The following FBLN7 variants were observed in gnomAD, a reference collection of about 807,000 sequenced individuals.
FBLN7 encodes the protein fibulin 7.
In FBLN7, 31 loss-of-function variants were observed where a neutral mutation model predicts 44.0. That is an observed-to-expected ratio of 0.70 (90% CI 0.53 to 0.95). FBLN7 has a LOEUF of 0.95. Among genes scored for constraint, FBLN7 ranks in the 40% least tolerant of loss-of-function variants. The pLI, the probability that FBLN7 is intolerant of heterozygous loss-of-function variation, is 0.00. For missense variants in FBLN7, 573 were observed against 618.5 expected (o/e 0.93, Z 0.78); for synonymous variants, 262 against 253.4 (o/e 1.03, Z -0.32).
At chr2:112,166,782 C>G (rs375542470) in intron 3 of FBLN7, among the ~76,000 whole-genome samples, 3 of 152,164 alleles carry the variant, frequency 2.0e-5, no homozygotes, top group Admixed American at 6.5e-5. Context: ...GTTTCCTTCT[C>G]GGTCTACTCC....
chr2:112,150,740 C>T lies in FBLN7; in HGVS notation c.76-8936C>T, dbSNP rs183895191. 6.6e-5 allele frequency among the ~76,000 whole-genome samples: 10 copies of T among 152,234 alleles called. 1 individual carries two copies. The East Asian group carries it at 1.7e-3, about 27-fold the overall frequency. ...CTGAACAGTGGAGATAATAGACATT[C>T]CCATCTCATGGGGTCATAGTTGAAG... On this transcript the variant is annotated intron_variant, in intron 1 of 7. Coordinates refer to ENST00000331203, the MANE Select transcript of FBLN7 (RefSeq NM_153214.3).
intron 4 of FBLN7, 123 bp downstream of exon 4, chr2:112,175,962 CCT>C (rs2104592719): frequency 1.6e-6 from 2 of 1,277,770 alleles, no homozygotes; most frequent in Non-Finnish European, 2.1e-6. Context: ...TGTAGCTTTT[CCT>C]CTCTGTTTCA....
intron 6 of FBLN7, among the ~76,000 whole-genome samples, chr2:112,183,775 G>C (rs542981302): frequency 6.6e-6 from 1 of 152,162 alleles, no homozygotes; most frequent in South Asian, 2.1e-4. Flanking sequence ...ATTCCTGGCA[G>C]AGTGGGAAAG....
the FBLN7 span, among the ~76,000 whole-genome samples, chr2:112,206,327 A>T: frequency 6.6e-6 from 1 of 152,088 alleles, no homozygotes; most frequent in African/African-American, 2.4e-5. Flanking sequence ...ACTTGGTTTA[A>T]CTGACTTTTT....
chr2:112,240,597 A>C, the FBLN7 span: 1 of 152,246 alleles, frequency 6.6e-6, no homozygotes, highest in African/African-American at 2.4e-5. Flanking sequence ...TACGACAAGT[A>C]ATAATACGTT....
the FBLN7 span, among the ~76,000 whole-genome samples, chr2:112,218,343 C>T: frequency 6.6e-6 from 1 of 152,160 alleles, no homozygotes; most frequent in Non-Finnish European, 1.5e-5. Context: ...CTCAATGGAA[C>T]ATAGACTCTT....
chr2:112,147,187 G>A (rs754609063), intron 1 of FBLN7, among the ~76,000 whole-genome samples: 1 of 152,130 alleles, frequency 6.6e-6, no homozygotes, highest in African/African-American at 2.4e-5. Flanking sequence ...GGAGACTTCT[G>A]GAAAGTTTTA....
chr2:112,209,984 G>A, the FBLN7 span, among the ~76,000 whole-genome samples: 1 of 151,982 alleles, frequency 6.6e-6, no homozygotes. Context: ...TTTGTGTGGG[G>A]AGTGGTGATG....
At chr2:112,221,544 C>T in the FBLN7 span, among the ~76,000 whole-genome samples, 1 of 152,096 alleles carries the variant, frequency 6.6e-6, no homozygotes, top group African/African-American at 2.4e-5. Flanking sequence ...AATGCATGAA[C>T]GAACTAATAC....
the FBLN7 span, among the ~76,000 whole-genome samples, chr2:112,229,473 T>C: frequency 6.6e-6 from 1 of 152,206 alleles, no homozygotes; most frequent in African/African-American, 2.4e-5. Flanking sequence ...GCCAATGGGT[T>C]ATAAGTAAAT....
intron 7 of FBLN7, among the ~76,000 whole-genome samples, chr2:112,186,772 G>A (rs181231229): frequency 6.6e-6 from 1 of 152,334 alleles, no homozygotes; most frequent in Non-Finnish European, 1.5e-5. Context: ...CGCAGCACAT[G>A]GAGAAAGGGC....
chr2:112,219,909 A>C, the FBLN7 span, among the ~76,000 whole-genome samples: 1 of 152,190 alleles, frequency 6.6e-6, no homozygotes, highest in Non-Finnish European at 1.5e-5. Context: ...AAGTCACTTC[A>C]TAGGTCTTTA....
the FBLN7 span, among the ~76,000 whole-genome samples, chr2:112,201,459 C>T: frequency 2.0e-5 from 3 of 152,230 alleles, no homozygotes; most frequent in African/African-American, 7.2e-5. Flanking sequence ...CTTGCCGTTC[C>T]AGCTCCTTGG....
the FBLN7 span, chr2:112,231,723 A>G: frequency 4.1e-6 from 2 of 488,448 alleles, no homozygotes; most frequent in Non-Finnish European, 7.1e-6. Flanking sequence ...GTCCTAATAT[A>G]TCCCATATGC....
downstream of FBLN7, chr2:112,189,503 TCTC>T (rs1449515251): frequency 9.8e-5 from 15 of 152,318 alleles, no homozygotes; most frequent in African/African-American, 2.6e-4. Flanking sequence ...CTCTCCTCAC[TCTC>T]CTCTATGGAA....
chr2:112,182,644 G>A (rs564204590), intron 5 of FBLN7, 147 bp from the exon 6 acceptor site: 131 of 896,708 alleles, frequency 1.5e-4, no homozygotes, highest in Non-Finnish European at 1.9e-4. Flanking sequence ...TGCTCTGCTG[G>A]GGGTAGGGCA....
intron 1 of FBLN7, chr2:112,153,286 T>G (rs1392111191): frequency 6.6e-6 from 1 of 152,230 alleles, no homozygotes; most frequent in Non-Finnish European, 1.5e-5. Flanking sequence ...TTCAGAGACC[T>G]AAGGCATCAA....
the FBLN7 span, among the ~76,000 whole-genome samples, chr2:112,199,274 G>A: frequency 6.6e-6 from 1 of 152,102 alleles, no homozygotes; most frequent in Non-Finnish European, 1.5e-5. Context: ...GTTGTACGGT[G>A]GGCAGAGTCA....
chr2:112,231,986 A>G, the FBLN7 span: 1 of 1,210,904 alleles, frequency 8.3e-7, no homozygotes, highest in African/African-American at 1.5e-5. Flanking sequence ...TTTTAATCCA[A>G]TTGAAATAAT....
Sources: gnomAD v4.1 joint callset for allele counts (sites outside exome capture counted in the v4.1 genomes callset) on GRCh38, gnomAD v4.1.1 for gene constraint, MANE v1.5 for transcripts, NCBI Gene and HGNC (gene_info 2026-07-23, HGNC 2026-07-21) for gene names.